Variants in ZNF547 observed in about 807,000 individuals in gnomAD.
ZNF547 encodes zinc finger protein 547.
Under a neutral mutation model 7.7 loss-of-function variants are expected in ZNF547, and 4 were observed. The ratio of observed to expected loss-of-function variants is 0.52; its 90% confidence interval spans 0.26 to 1.20. The LOEUF (loss-of-function observed/expected upper bound fraction) is 1.20. Among genes scored for constraint, ZNF547 ranks in the 50% most tolerant of loss-of-function variants. ZNF547 has a pLI of 0.14. For synonymous variants in ZNF547, 166 were observed against 166.2 expected (o/e 1.00, Z 0.01); for missense variants, 449 against 485.8 (o/e 0.92, Z 0.71).
chr19:57,365,009 T>C (rs572801179), intron 1 of ZNF547: 5 of 1,612,750 alleles, frequency 3.1e-6, no homozygotes, highest in Non-Finnish European at 4.2e-6. Flanking sequence ...TCGAACAACA[T>C]GTACTTGAAA....
rs562300591 is a variant in ZNF547, at chr19:57,377,997, C to T, written c.1021C>T (p.Gln341Ter). ...CTTCAGCTTGAAATCCGTCCTCATT[C>T]AACACCAAAGAGTTCACACTGGAGA... ...KFFSLKSVLIQHQRVHTGERP... is the reference protein window; with the variant it reads ...KFFSLKSVLI Residue 341 changes from glutamine to a stop codon, truncating the protein, a stop_gained, in exon 4 of 4, where the codon CAA (glutamine) becomes TAA (stop). Coordinates refer to ENST00000282282, the MANE Select transcript of ZNF547 (RefSeq NM_173631.4). LOFTEE classifies it low-confidence loss of function (END_TRUNC). 6.2e-7 allele frequency: 1 copy of T among 1,613,924 alleles called. No individual in the cohort carries two copies. The highest frequency in any genetic ancestry group is 2.2e-5 in the East Asian group (1 of 44,858).
chr19:57,375,039 C>T (rs998263693), intron 3 of ZNF547, among the ~76,000 whole-genome samples: 14 of 152,096 alleles, frequency 9.2e-5, no homozygotes, highest in African/African-American at 2.4e-4. Flanking sequence ...TATATTTGTC[C>T]GTTCTCACAC....
chr19:57,366,865 A>G (rs1049091215), intron 1 of ZNF547, among the ~76,000 whole-genome samples: 2 of 152,258 alleles, frequency 1.3e-5, no homozygotes, highest in Non-Finnish European at 2.9e-5. Context: ...ATGTATTGGC[A>G]GTATACATAG....
chr19:57,367,659 G>A (rs1322649948), intron 1 of ZNF547, among the ~76,000 whole-genome samples: 2 of 152,198 alleles, frequency 1.3e-5, no homozygotes, highest in South Asian at 2.1e-4. Flanking sequence ...GGGAGGCGTG[G>A]GTGGGATAAG....
At chr19:57,365,512 T>C (rs1440607148) in intron 1 of ZNF547, among the ~76,000 whole-genome samples, 2 of 150,362 alleles carry the variant, frequency 1.3e-5, no homozygotes, top group African/African-American at 4.9e-5. Context: ...TTTCTTTCTT[T>C]TTTTTTTTTT....
Position 57,374,406 on chromosome 19 carries a change from A to T in ZNF547, c.151+2498A>T, listed in dbSNP as rs559423355. The stretch of plus-strand genomic sequence containing the variant: ...GAACAGCCTGGGCCAGGCCCACAAA[A>T]CCATTTTTCCCTCCTAGGCCTCTGG... On this transcript the variant is annotated intron_variant, in intron 3 of 3. Coordinates refer to ENST00000282282, the MANE Select transcript of ZNF547 (RefSeq NM_173631.4). Among the ~76,000 whole-genome samples the T allele has an allele frequency of 1.4e-4, 21 of 152,168 alleles. No homozygotes were observed. In the South Asian group the frequency reaches 3.9e-3, roughly 29 times the overall value.
chr19:57,374,861 C>T (rs1424856211), intron 3 of ZNF547, among the ~76,000 whole-genome samples: 2 of 152,190 alleles, frequency 1.3e-5, no homozygotes, highest in Non-Finnish European at 2.9e-5. Context: ...GCATTTTGAT[C>T]AAAACCATTC....
chr19:57,375,324 T>G (rs1192160824), intron 3 of ZNF547, among the ~76,000 whole-genome samples: 1 of 151,984 alleles, frequency 6.6e-6, no homozygotes, highest in South Asian at 2.1e-4. Context: ...CACTCCAGCC[T>G]GGGTGACAGA....
rs746413433 is a variant in ZNF547 at position 57,377,322 on chromosome 19, A to G, written c.346A>G (p.Thr116Ala). 5.6e-6 allele frequency: 9 copies of G among 1,614,222 alleles called. No homozygotes were observed. Among genetic ancestry groups the G allele is most frequent in the Non-Finnish European group, 6.8e-6 (8 of 1,180,044 alleles). ...AACACACCCCGAGCAGGGACTGTAC[A>G]CGTGTCCAGCACATCTTCACCAGCA... ...DGTHPEQGLY[T>A]CPAHLHQHQK... The change falls in exon 4 of 4, where the codon ACG (threonine) becomes GCG (alanine). Residue 116 changes from threonine to alanine, a missense_variant. Transcript: ENST00000282282.
chr19:57,371,542 GTGCAGTACCTGTCCCTGGGT>G, intron 2 of ZNF547: 1 of 527,202 alleles, frequency 1.9e-6, no homozygotes, highest in Non-Finnish European at 3.2e-6. Flanking sequence ...GTCCCTAGTT[GTGCAGTACCTGTCCCTGGGT>G]TGATTTAGAG....
intron 1 of ZNF547, chr19:57,365,305 A>T (rs2123008995): frequency 8.1e-7 from 1 of 1,227,464 alleles, no homozygotes; most frequent in East Asian, 2.5e-5. Flanking sequence ...GTGTATACTC[A>T]GGAATGTGTA....
intron 2 of ZNF547, among the ~76,000 whole-genome samples, chr19:57,369,411 CAG>C (rs2088490652): frequency 6.6e-6 from 1 of 152,082 alleles, no homozygotes; most frequent in Non-Finnish European, 1.5e-5. Context: ...TGTGAGGAGT[CAG>C]TGTTTGTTCA....
rs1488911769 is a variant in ZNF547, at chr19:57,378,489, G to A, written c.*304G>A. 1.9e-6 allele frequency: 1 copy of A among 525,138 alleles called. No individual in the cohort carries two copies. The highest frequency in any genetic ancestry group is 1.9e-5 in the African/African-American group (1 of 52,826). 32.5% of individuals were successfully genotyped at this position (525,138 alleles called of 1,614,324 possible). A position where few individuals can be genotyped will look rare whatever the true frequency, so the allele number is the denominator to read the frequency against. Reference sequence around the variant, plus strand: ...CAACATGCAAGATTGTACTTATTGGGCTTCAGAATATCCACACTAGTGAAA... The same window carrying A: ...CAACATGCAAGATTGTACTTATTGGACTTCAGAATATCCACACTAGTGAAA... On this transcript the variant is annotated 3_prime_UTR_variant, in exon 4 of 4. Coordinates refer to ENST00000282282, the MANE Select transcript of ZNF547 (RefSeq NM_173631.4).
chr19:57,378,221 C>T lies in ZNF547; in HGVS notation c.*36C>T, dbSNP rs768236959. ...AATGCAGTGGATATGGGAAAGCCTT[C>T]AGTCACCAACATATTGTGGCTGGAC... On this transcript the variant is annotated 3_prime_UTR_variant, in exon 4 of 4. Coordinates refer to ENST00000282282, the MANE Select transcript of ZNF547 (RefSeq NM_173631.4). The T allele has an allele frequency of 1.3e-6, 2 of 1,557,322 alleles. No individual in the cohort carries two copies. Among genetic ancestry groups the T allele is most frequent in the African/African-American group, 2.7e-5 (2 of 73,886 alleles).
chr19:57,367,204 G>A (rs2301663), intron 1 of ZNF547, among the ~76,000 whole-genome samples: 72,001 of 152,006 alleles, frequency 0.47, 18,357 homozygotes, highest in South Asian at 0.66. Context: ...GAGGGGGCTG[G>A]GAATTGTCTG....
At chr19:57,366,283 C>T (rs555593305) in intron 1 of ZNF547, among the ~76,000 whole-genome samples, 2 of 151,394 alleles carry the variant, frequency 1.3e-5, no homozygotes, top group East Asian at 2.0e-4. Context: ...TGCAGTGGCA[C>T]GATCTTGGCT....
intron 1 of ZNF547, 28 bp downstream of exon 1, chr19:57,363,731 C>A (rs796412709): frequency 3.3e-5 from 5 of 151,264 alleles, no homozygotes; most frequent in South Asian, 1.8e-4. Flanking sequence ...GGCCCCCCCC[C>A]ACCTCCGCCC....
At chr19:57,364,806 C>T (rs532738109) in intron 1 of ZNF547, 10 of 1,565,658 alleles carry the variant, frequency 6.4e-6, no homozygotes, top group Non-Finnish European at 8.7e-6. Context: ...TGTCGGCCTC[C>T]CGCTGCAGGA....
At chr19:57,370,663 G>A (rs2088498975) in intron 2 of ZNF547, among the ~76,000 whole-genome samples, 1 of 152,198 alleles carries the variant, frequency 6.6e-6, no homozygotes, top group African/African-American at 2.4e-5. Flanking sequence ...GAGTTTGGTT[G>A]TCTTGGGAGG....
Sources: allele counts gnomAD v4.1 joint callset (sites outside exome capture counted in the v4.1 genomes callset), GRCh38; gene constraint gnomAD v4.1.1; transcripts MANE v1.5; gene names NCBI Gene and HGNC (gene_info 2026-07-23, HGNC 2026-07-21).